The following CLASP1 variants were observed in gnomAD, a reference collection of about 807,000 sequenced individuals.
CLASP1 encodes the protein CLIP-associating protein 1.
CLASP1 carries 38 observed loss-of-function variants against 192.3 expected under a neutral mutation model. That is an observed-to-expected ratio of 0.20 (90% CI 0.15 to 0.26). The LOEUF (loss-of-function observed/expected upper bound fraction) is 0.26, where lower values mean the gene tolerates loss of function less well. Ranked by LOEUF, CLASP1 falls within the 10% of genes least tolerant of loss-of-function variation. The probability of loss-of-function intolerance (pLI) is 1.00; values close to 1 mark genes in which losing one functional copy is unlikely to be tolerated. For missense variants in CLASP1, 1,433 were observed against 1,932.5 expected (o/e 0.74, Z 4.85); for synonymous variants, 691 against 712.8 (o/e 0.97, Z 0.49).
intron 25 of CLASP1, among the ~76,000 whole-genome samples, chr2:121,406,522 T>G (rs1486707061): frequency 6.6e-6 from 1 of 152,216 alleles, no homozygotes; most frequent in Non-Finnish European, 1.5e-5. Flanking sequence ...TACAGGAAGA[T>G]TTCTCAAATA....
At chr2:121,520,911 T>A (rs938812422) in intron 6 of CLASP1, among the ~76,000 whole-genome samples, 1 of 152,176 alleles carries the variant, frequency 6.6e-6, no homozygotes, top group African/African-American at 2.4e-5. Context: ...ATCACACAAT[T>A]CTGTCCCTTC....
intron 14 of CLASP1, among the ~76,000 whole-genome samples, chr2:121,454,142 C>T (rs2086127154): frequency 6.6e-6 from 1 of 151,866 alleles, no homozygotes; most frequent in South Asian, 2.1e-4. Flanking sequence ...CGAATTTTAT[C>T]TCCCTGCCCA....
In CLASP1 at chr2:121,622,402, C is replaced by A. The variant is rs58685383; in HGVS notation, c.-285-16222G>T. On this transcript the variant is annotated intron_variant, in intron 1 of 39. Coordinates refer to ENST00000263710, the Ensembl canonical transcript of CLASP1. ...CCTGGGCAACATGGAGAAACCTAGT[C>A]TCTAAAAAAAACAAAAATTAGCCAG... Among the ~76,000 whole-genome samples, 207 of 151,534 alleles carry A rather than the reference C, an allele frequency of 1.4e-3. 1 individual carries two copies. Among genetic ancestry groups the A allele is most frequent in the African/African-American group, 4.7e-3 (194 of 41,346 alleles).
chr2:121,586,532 C>A (rs1374753417), intron 2 of CLASP1, among the ~76,000 whole-genome samples: 1 of 152,146 alleles, frequency 6.6e-6, no homozygotes, highest in East Asian at 1.9e-4. Flanking sequence ...ATTCTCTCCA[C>A]CCCCCTTAAA....
intron 2 of CLASP1, among the ~76,000 whole-genome samples, chr2:121,540,545 T>A (rs568799163): frequency 5.9e-5 from 9 of 152,094 alleles, no homozygotes; most frequent in African/African-American, 2.2e-4. Flanking sequence ...TCTCAGCACT[T>A]TGGGAGGCTG....
chr2:121,485,762 C>T (rs1287910031), intron 8 of CLASP1, among the ~76,000 whole-genome samples: 2 of 152,116 alleles, frequency 1.3e-5, no homozygotes, highest in Non-Finnish European at 2.9e-5. Flanking sequence ...CCAGCTACTA[C>T]AGGCATGGTC....
chr2:121,356,448 A>G (rs1337916674), intron 37 of CLASP1, among the ~76,000 whole-genome samples: 1 of 152,212 alleles, frequency 6.6e-6, no homozygotes, highest in East Asian at 1.9e-4. Context: ...TCAGTACCAG[A>G]GGGAGGGGAG....
At chr2:121,456,564 A>G (rs1179385589) in intron 14 of CLASP1, among the ~76,000 whole-genome samples, 1 of 151,812 alleles carries the variant, frequency 6.6e-6, no homozygotes. Flanking sequence ...AGAAAAGGGG[A>G]AGGGAAGGAA....
In CLASP1 at chr2:121,462,609, T is replaced by C; in HGVS notation, c.866-4A>G. 1 of 1,585,108 alleles carries C rather than the reference T, an allele frequency of 6.3e-7. No homozygotes were observed. On this transcript the variant is annotated splice_polypyrimidine_tract_variant and splice_region_variant and intron_variant, in intron 9 of 39. Coordinates refer to ENST00000263710, the Ensembl canonical transcript of CLASP1. ...GCACCAGCTCCTTCTTTTGCAGCTG[T>C]AAAAAAGAATTTTAAAAATGTAAAC...
chr2:121,368,117 TC>T (rs2067802990), intron 34 of CLASP1, among the ~76,000 whole-genome samples: 1 of 152,148 alleles, frequency 6.6e-6, no homozygotes, highest in African/African-American at 2.4e-5. Context: ...GATGAAAGGC[TC>T]AGAAGCCTTT....
At chr2:121,345,773 T>C (rs2063374334) in intron 39 of CLASP1, among the ~76,000 whole-genome samples, 1 of 152,092 alleles carries the variant, frequency 6.6e-6, no homozygotes, top group Non-Finnish European at 1.5e-5. Flanking sequence ...GGACAGTGTC[T>C]CCTCTGGACC....
At chr2:121,473,235 ACATT>A (rs1455773563) in intron 8 of CLASP1, among the ~76,000 whole-genome samples, 6 of 152,204 alleles carry the variant, frequency 3.9e-5, no homozygotes, top group East Asian at 1.9e-4. Flanking sequence ...AAATACATAG[ACATT>A]CATAAGAAAA....
At chr2:121,460,937 A>G (rs2087806536) in intron 11 of CLASP1, among the ~76,000 whole-genome samples, 164 bp downstream of exon 11, 1 of 152,210 alleles carries the variant, frequency 6.6e-6, no homozygotes, top group South Asian at 2.1e-4. Flanking sequence ...AAATAAAAAT[A>G]AAAGGAGACA....
At chr2:121,454,388 C>T (rs1012802306) in intron 14 of CLASP1, among the ~76,000 whole-genome samples, 5 of 152,110 alleles carry the variant, frequency 3.3e-5, no homozygotes, top group Non-Finnish European at 5.9e-5. Flanking sequence ...CAGGCCAGGA[C>T]GAGAGTCCTC....
chr2:121,615,311 C>T (rs2066268981), intron 1 of CLASP1, among the ~76,000 whole-genome samples: 1 of 151,796 alleles, frequency 6.6e-6, no homozygotes, highest in Non-Finnish European at 1.5e-5. Context: ...TGCACTCCAG[C>T]TTGCGCGTCA....
At chr2:121,503,471 C>G (rs2093828073) in intron 7 of CLASP1, among the ~76,000 whole-genome samples, 1 of 152,176 alleles carries the variant, frequency 6.6e-6, no homozygotes. Context: ...CATTTAATCT[C>G]CTTGAGGTGA....
intron 2 of CLASP1, among the ~76,000 whole-genome samples, chr2:121,550,667 T>A (rs770954810): frequency 6.6e-6 from 1 of 152,176 alleles, no homozygotes; most frequent in Non-Finnish European, 1.5e-5. Flanking sequence ...CCTGGACACA[T>A]ACAGTCTCCT....
At chr2:121,474,514 A>C (rs933177398) in intron 8 of CLASP1, among the ~76,000 whole-genome samples, 1 of 152,192 alleles carries the variant, frequency 6.6e-6, no homozygotes, top group Non-Finnish European at 1.5e-5. Context: ...AGGCAGGCAG[A>C]TCACGAGGTC....
intron 8 of CLASP1, among the ~76,000 whole-genome samples, chr2:121,486,520 T>C (rs954616771): frequency 1.3e-5 from 2 of 152,162 alleles, no homozygotes; most frequent in Non-Finnish European, 2.9e-5. Context: ...GCCCTGAAAG[T>C]TATAAATGTC....
Sources: allele counts gnomAD v4.1 joint callset (sites outside exome capture counted in the v4.1 genomes callset), GRCh38; gene constraint gnomAD v4.1.1; transcripts MANE v1.5; gene names NCBI Gene and HGNC (gene_info 2026-07-23, HGNC 2026-07-21).